MRTFA: variants seen among roughly 807,000 people sequenced by gnomAD.
The protein encoded by MRTFA is myocardin-related transcription factor A.
In MRTFA, 20 loss-of-function variants were observed where a neutral mutation model predicts 83.5. The ratio of observed to expected loss-of-function variants is 0.24; its 90% CI spans 0.17 to 0.35. The LOEUF is 0.35. MRTFA is among the 10% of genes least tolerant of loss of function. The pLI is 1.00. For missense variants in MRTFA, 1,200 were observed against 1,224.7 expected (o/e 0.98, Z 0.30); for synonymous variants, 659 against 541.2 (o/e 1.22, Z -3.02).
Position 40,420,917 on chromosome 22 carries a change from G to T in MRTFA, c.1111C>A (p.Gln371Lys), listed in dbSNP as rs2052822955. 2 of 1,614,200 alleles carry T rather than the reference G, an allele frequency of 1.2e-6. No individual in the cohort carries two copies. Among genetic ancestry groups the T allele is most frequent in the Non-Finnish European group, 1.7e-6 (2 of 1,180,014 alleles). Residue 371 changes from glutamine (Q) to lysine (K), a missense_variant, in exon 10 of 15, where the codon CAG becomes AAG. Physicochemically the swap from Gln to Lys is moderately conservative, Grantham distance 53. Coordinates refer to ENST00000355630, the MANE Select transcript of MRTFA (RefSeq NM_020831.6). ...TGCTGCTGGTTGAGGATCTGCAGCT[G>T]GAGGAAGAGCTGCTGCTGCTGCAGG...
chr22:40,512,355 C>G (rs1337075254), intron 3 of MRTFA, among the ~76,000 whole-genome samples: 1 of 152,234 alleles, frequency 6.6e-6, no homozygotes, highest in Admixed American at 6.5e-5. Flanking sequence ...GGTCTTCCAG[C>G]TTCTTCAATT....
At chr22:40,422,062 G>A (rs2052851466) in intron 9 of MRTFA, among the ~76,000 whole-genome samples, 1 of 152,158 alleles carries the variant, frequency 6.6e-6, no homozygotes, top group African/African-American at 2.4e-5. Flanking sequence ...GGCCAGGATT[G>A]CCCCAGAAGA....
chr22:40,588,584 A>G (rs2056068010), intron 2 of MRTFA, among the ~76,000 whole-genome samples: 1 of 152,156 alleles, frequency 6.6e-6, no homozygotes, highest in African/African-American at 2.4e-5. Context: ...CTGTACTTAG[A>G]TCAATAGATT....
chr22:40,581,867 T>G (rs2055952001), intron 2 of MRTFA, among the ~76,000 whole-genome samples: 1 of 152,182 alleles, frequency 6.6e-6, no homozygotes, highest in Non-Finnish European at 1.5e-5. Context: ...AAGACAGGTA[T>G]CTTACCTATA....
chr22:40,607,084 T>C (rs1401918452), intron 1 of MRTFA, among the ~76,000 whole-genome samples: 1 of 152,232 alleles, frequency 6.6e-6, no homozygotes, highest in Non-Finnish European at 1.5e-5. Flanking sequence ...ATTAGTTTCT[T>C]CCACTATCTG....
At chr22:40,540,775 T>TC (rs2055275567) in intron 3 of MRTFA, among the ~76,000 whole-genome samples, 1 of 35,132 alleles carries the variant, frequency 2.8e-5, no homozygotes, top group Non-Finnish European at 6.4e-5. Flanking sequence ...AGACTCTGTC[T>TC]CAAAAAAAAA....
chr22:40,587,027 T>C, intron 2 of MRTFA: 3 of 477,266 alleles, frequency 6.3e-6, no homozygotes, highest in South Asian at 4.6e-5. Flanking sequence ...TCTTTGCATA[T>C]GGGTTTAGCT....
At chr22:40,542,049 C>T (rs565488290) in intron 3 of MRTFA, among the ~76,000 whole-genome samples, 89 of 152,288 alleles carry the variant, frequency 5.8e-4, no homozygotes, top group East Asian at 1.5e-3. Context: ...GTTGCCCAGG[C>T]TGCAGTGCAG....
At chr22:40,539,183 G>C (rs2147291580) in intron 3 of MRTFA, among the ~76,000 whole-genome samples, 1 of 150,892 alleles carries the variant, frequency 6.6e-6, no homozygotes, top group South Asian at 2.1e-4. Flanking sequence ...ATTTTTAGTT[G>C]AGATGGGGTT....
intron 1 of MRTFA, among the ~76,000 whole-genome samples, chr22:40,610,489 C>G (rs2056374559): frequency 6.6e-6 from 1 of 152,126 alleles, no homozygotes; most frequent in Non-Finnish European, 1.5e-5. Context: ...TAGGAACTGC[C>G]TCCTCTTAAA....
At chr22:40,628,853 T>A (rs1284162302) in intron 1 of MRTFA, among the ~76,000 whole-genome samples, 4 of 152,156 alleles carry the variant, frequency 2.6e-5, no homozygotes, top group Non-Finnish European at 5.9e-5. Context: ...ACTTGAGTCA[T>A]GAACCACAGA....
chr22:40,445,643 G>C (rs2053362851), intron 4 of MRTFA, among the ~76,000 whole-genome samples: 1 of 152,014 alleles, frequency 6.6e-6, no homozygotes, highest in Non-Finnish European at 1.5e-5. Flanking sequence ...CCACCTCCTG[G>C]GATCAAGCCA....
intron 4 of MRTFA, among the ~76,000 whole-genome samples, chr22:40,456,969 T>A (rs1212410525): frequency 1.3e-5 from 2 of 152,212 alleles, no homozygotes; most frequent in Non-Finnish European, 2.9e-5. Context: ...TGTATTTGAT[T>A]CACATGTACT....
At position 40,418,457 on chromosome 22, in the gene MRTFA, C is replaced by T. The variant is rs145316385; in HGVS notation, c.2281G>A (p.Asp761Asn). Residue 761 changes from aspartate (D) to asparagine (N), a missense_variant, in exon 12 of 15, where the codon GAC becomes AAC. Around this residue, in one of 2 missense-constraint regions of MRTFA, gnomAD observed 1,107 missense variants for 1,041.8 expected, o/e 1.06. Coordinates refer to ENST00000355630, the MANE Select transcript of MRTFA (RefSeq NM_020831.6). ...AGGACAAGGTGGGTCCCTGTGGAGT[C>T]GGTGATGAGGGTGGGAGGTGCAACC... The T allele has an allele frequency of 7.1e-4, 1,150 of 1,613,790 alleles. 2 individuals carry two copies. Among genetic ancestry groups the T allele is most frequent in the African/African-American group, 5.3e-3 (397 of 74,994 alleles).
intron 2 of MRTFA, among the ~76,000 whole-genome samples, chr22:40,589,945 C>A (rs1231088858): frequency 6.6e-6 from 1 of 151,668 alleles, no homozygotes; most frequent in African/African-American, 2.4e-5. Context: ...TCGCTTGAAC[C>A]CGGGAGGCGG....
chr22:40,441,583 G>A (rs546474057), intron 4 of MRTFA, among the ~76,000 whole-genome samples: 2 of 152,186 alleles, frequency 1.3e-5, no homozygotes, highest in East Asian at 3.9e-4. Flanking sequence ...TCAGGAGTTC[G>A]AGACCAGCCT....
intron 3 of MRTFA, among the ~76,000 whole-genome samples, chr22:40,489,017 A>C (rs2054221765): frequency 6.6e-6 from 1 of 152,164 alleles, no homozygotes; most frequent in Non-Finnish European, 1.5e-5. Flanking sequence ...TAAAACACCA[A>C]CGTTTCATGA....
chr22:40,599,962 G>C (rs1430874721), intron 1 of MRTFA, among the ~76,000 whole-genome samples: 1 of 139,438 alleles, frequency 7.2e-6, no homozygotes, highest in East Asian at 2.2e-4. Flanking sequence ...GGGGAAAAAG[G>C]AAAAGGAAGA....
intron 4 of MRTFA, among the ~76,000 whole-genome samples, chr22:40,459,053 C>T (rs1310358127): frequency 8.2e-5 from 12 of 146,110 alleles, no homozygotes; most frequent in African/African-American, 1.8e-4. Flanking sequence ...CCAGCCTCGG[C>T]GACAGAGTGA....
Sources: gnomAD v4.1 joint callset for allele counts (sites outside exome capture counted in the v4.1 genomes callset) on GRCh38, gnomAD v4.1.1 for gene constraint, gnomAD v4.1.1 regional missense constraint, MANE v1.5 for transcripts, NCBI Gene and HGNC (gene_info 2026-07-23, HGNC 2026-07-21) for gene names.